The following EPHB2 variants were observed in gnomAD, a reference collection of about 807,000 sequenced individuals.
EPHB2 encodes EPH receptor B2.
EPHB2 carries 18 observed loss-of-function variants against 96.4 expected under a neutral mutation model. That is an observed-to-expected ratio of 0.19 (90% CI 0.13 to 0.28). The LOEUF (loss-of-function observed/expected upper bound fraction) is 0.28, where lower values mean the gene tolerates loss of function less well. Among genes scored for constraint, EPHB2 ranks in the 10% least tolerant of loss-of-function variants. The pLI is 1.00. For missense variants in EPHB2, 989 were observed against 1,355.4 expected (o/e 0.73, Z 4.25); for synonymous variants, 506 against 534.1 (o/e 0.95, Z 0.72).
At chr1:22,887,562 G>C (rs868026009) in intron 6 of EPHB2, among the ~76,000 whole-genome samples, 4 of 152,196 alleles carry the variant, frequency 2.6e-5, no homozygotes, top group Non-Finnish European at 5.9e-5. Context: ...CTGGAGTCCA[G>C]AGCTGACAAC....
chr1:22,827,116 C>G (rs937847985), intron 3 of EPHB2, among the ~76,000 whole-genome samples: 1 of 152,158 alleles, frequency 6.6e-6, no homozygotes, highest in African/African-American at 2.4e-5. Context: ...GAGAAGAACC[C>G]CTCACCTTTC....
intron 3 of EPHB2, among the ~76,000 whole-genome samples, chr1:22,793,061 G>C (rs553866174): frequency 1.3e-5 from 2 of 152,302 alleles, no homozygotes; most frequent in South Asian, 4.1e-4. Context: ...TCCTGGGAAG[G>C]GTGGGGGTCA....
chr1:22,897,212 T>C (rs1639594135), intron 9 of EPHB2, among the ~76,000 whole-genome samples: 1 of 152,170 alleles, frequency 6.6e-6, no homozygotes, highest in African/African-American at 2.4e-5. Context: ...GAGAGAAAAG[T>C]AGATCATAGA....
At chr1:22,882,841 G>A (rs1639095846) in intron 6 of EPHB2, 1 of 334,272 alleles carries the variant, frequency 3.0e-6, no homozygotes. Flanking sequence ...CTTATGAAGT[G>A]ATAATTAGTC....
intron 3 of EPHB2, among the ~76,000 whole-genome samples, chr1:22,795,769 G>C (rs1245122723): frequency 6.6e-6 from 1 of 152,194 alleles, no homozygotes; most frequent in Non-Finnish European, 1.5e-5. Flanking sequence ...TCAGGCAGAA[G>C]CCGGGACTAG....
At chr1:22,842,419 C>T (rs1237149501) in intron 3 of EPHB2, among the ~76,000 whole-genome samples, 19 of 152,080 alleles carry the variant, frequency 1.2e-4, no homozygotes, top group Admixed American at 6.5e-5. Flanking sequence ...TAGATCTGAC[C>T]GCCCCTTTCC....
At chr1:22,883,039 G>C (rs1639102234) in intron 6 of EPHB2, among the ~76,000 whole-genome samples, 3 of 152,330 alleles carry the variant, frequency 2.0e-5, no homozygotes, top group South Asian at 4.1e-4. Context: ...TGGGATGGTA[G>C]AAGGATCACT....
At chr1:22,822,237 CTT>C (rs1645161784) in intron 3 of EPHB2, among the ~76,000 whole-genome samples, 1 of 152,060 alleles carries the variant, frequency 6.6e-6, no homozygotes, top group African/African-American at 2.4e-5. Context: ...AATCCCAACA[CTT>C]TGGGAGGCCA....
chr1:22,912,938 T>C, intron 15 of EPHB2: 1 of 380,420 alleles, frequency 2.6e-6, no homozygotes, highest in Non-Finnish European at 5.1e-6. Flanking sequence ...CTCATGCCTG[T>C]AATCTTAGTA....
chr1:22,864,688 GA>G (rs1445359255), intron 4 of EPHB2, among the ~76,000 whole-genome samples, 188 bp from the exon 5 acceptor site: 3 of 152,222 alleles, frequency 2.0e-5, no homozygotes, highest in African/African-American at 7.2e-5. Context: ...TGGGAGGAGA[GA>G]AAGGTTTGGG....
chr1:22,891,410 G>A, intron 6 of EPHB2: 1 of 350,532 alleles, frequency 2.9e-6, no homozygotes, highest in Non-Finnish European at 5.6e-6. Context: ...TGTCTCAGGA[G>A]CTTCATGATC....
intron 3 of EPHB2, among the ~76,000 whole-genome samples, chr1:22,796,179 G>A (rs1442430960): frequency 6.6e-6 from 1 of 152,238 alleles, no homozygotes; most frequent in Non-Finnish European, 1.5e-5. Context: ...GGAAAGACAG[G>A]CAGTTGGGGA....
chr1:22,792,151 T>TA (rs1053284804), intron 3 of EPHB2, among the ~76,000 whole-genome samples: 3 of 148,744 alleles, frequency 2.0e-5, no homozygotes, highest in Non-Finnish European at 4.5e-5. Context: ...GAGCCCTTCT[T>TA]ACAGAGGCTG....
Position 22,786,096 on chromosome 1 carries a change from C to A in EPHB2, c.811+1020C>A, listed in dbSNP as rs12074315. Among the ~76,000 whole-genome samples, 445 of 152,294 alleles carry A rather than the reference C, an allele frequency of 2.9e-3. 4 individuals carry two copies. Among genetic ancestry groups the A allele is most frequent in the African/African-American group, 0.01 (418 of 41,552 alleles). ...ACACGAGAAGTTTGTGAGAGGTACA[C>A]CCTGGTGCTAAGAAGGCTGTGAAGG... On this transcript the variant is annotated intron_variant, in intron 3 of 15. Coordinates refer to ENST00000374630, the MANE Select transcript of EPHB2 (RefSeq NM_017449.5).
chr1:22,855,565 T>C (rs1645686240), intron 3 of EPHB2, among the ~76,000 whole-genome samples: 1 of 152,238 alleles, frequency 6.6e-6, no homozygotes, highest in African/African-American at 2.4e-5. Flanking sequence ...TACAACTCAC[T>C]GTCTCCCTAA....
intron 6 of EPHB2, among the ~76,000 whole-genome samples, chr1:22,892,010 T>C (rs1402290386): frequency 6.6e-6 from 1 of 151,694 alleles, no homozygotes; most frequent in African/African-American, 2.4e-5. Flanking sequence ...TTGCCCAGAC[T>C]GGTCTCAAAC....
intron 3 of EPHB2, among the ~76,000 whole-genome samples, chr1:22,797,551 C>T (rs1644784835): frequency 6.6e-6 from 1 of 152,104 alleles, no homozygotes; most frequent in African/African-American, 2.4e-5. Context: ...CCCAGCCCCA[C>T]AGCTTCAAAT....
chr1:22,882,676 G>T (rs1639089481), intron 6 of EPHB2, 193 bp downstream of exon 6: 3 of 746,636 alleles, frequency 4.0e-6, no homozygotes, highest in Non-Finnish European at 4.2e-6. Flanking sequence ...TCAGGCAGGT[G>T]CCTTGACCTC....
intron 13 of EPHB2, among the ~76,000 whole-genome samples, chr1:22,909,935 C>G (rs1296163203): frequency 2.0e-5 from 3 of 151,918 alleles, no homozygotes; most frequent in African/African-American, 7.3e-5. Flanking sequence ...ATGGTGTGGG[C>G]CTGATAGAGG....
Sources: gnomAD v4.1 joint callset for allele counts (sites outside exome capture counted in the v4.1 genomes callset) on GRCh38, gnomAD v4.1.1 for gene constraint, MANE v1.5 for transcripts, NCBI Gene and HGNC (gene_info 2026-07-23, HGNC 2026-07-21) for gene names.